SLC25A21: variants seen among roughly 807,000 people sequenced by gnomAD.
SLC25A21 encodes mitochondrial 2-oxodicarboxylate carrier.
SLC25A21 carries 47 observed loss-of-function variants against 43.8 expected under a neutral mutation model. The ratio of observed to expected loss-of-function variants is 1.07; its 90% confidence interval spans 0.85 to 1.37. The LOEUF is 1.37. Among genes scored for constraint, SLC25A21 ranks in the 40% most tolerant of loss-of-function variants. The pLI is 0.00. For synonymous variants in SLC25A21, 131 were observed against 121.3 expected, an observed-to-expected ratio of 1.08 and a Z score of -0.52; for missense variants, 352 against 350.2, an observed-to-expected ratio of 1.00 and a Z score of -0.04.
chr14:37,166,015 T>G (rs1455715970), intron 1 of SLC25A21, among the ~76,000 whole-genome samples: 3 of 152,190 alleles, frequency 2.0e-5, no homozygotes, highest in Non-Finnish European at 4.4e-5. Flanking sequence ...TTGGGATCCC[T>G]AACATGTTTA....
chr14:37,143,535 A>G (rs563343703), intron 1 of SLC25A21, among the ~76,000 whole-genome samples: 1 of 152,312 alleles, frequency 6.6e-6, no homozygotes, highest in East Asian at 1.9e-4. Flanking sequence ...TGTAAACAAT[A>G]AAACAGCTGC....
chr14:36,936,064 A>G (rs1054756066), intron 1 of SLC25A21, among the ~76,000 whole-genome samples: 15 of 152,158 alleles, frequency 9.9e-5, no homozygotes, highest in African/African-American at 3.6e-4. Flanking sequence ...TATCAGTACT[A>G]TCAGCTTTGC....
rs114258853 is a variant in SLC25A21 at position 36,966,266 on chromosome 14, T to C, written c.71-91262A>G. ...AGAAAGTGTCCCCTAAAAAGGTGTGTTGTGGGGAGTTGCCATCAACACAGT... is the reference window on the plus strand; with the variant it reads ...AGAAAGTGTCCCCTAAAAAGGTGTGCTGTGGGGAGTTGCCATCAACACAGT... On this transcript the variant is annotated intron_variant, in intron 1 of 9. Coordinates refer to ENST00000331299, the MANE Select transcript of SLC25A21 (RefSeq NM_030631.4). Among the ~76,000 whole-genome samples the C allele has an allele frequency of 7.4e-4, 113 of 152,246 alleles. 1 individual carries two copies. Among genetic ancestry groups the C allele is most frequent in the African/African-American group, 2.6e-3 (107 of 41,554 alleles).
chr14:36,709,069 G>A (rs1192498229), intron 7 of SLC25A21, among the ~76,000 whole-genome samples: 3 of 150,840 alleles, frequency 2.0e-5, no homozygotes, highest in East Asian at 2.0e-4. Context: ...GTGCAATGGC[G>A]CCAGCTCGGC....
At chr14:36,836,731 T>C (rs930010393) in intron 2 of SLC25A21, among the ~76,000 whole-genome samples, 8 of 152,174 alleles carry the variant, frequency 5.3e-5, no homozygotes, top group Non-Finnish European at 1.5e-5. Flanking sequence ...GCAGTAAATG[T>C]AGCATTCTTC....
intron 1 of SLC25A21, among the ~76,000 whole-genome samples, chr14:37,069,435 G>A (rs1269808759): frequency 6.6e-6 from 1 of 152,074 alleles, no homozygotes; most frequent in Non-Finnish European, 1.5e-5. Context: ...ATGTGTTTAG[G>A]AACATATGCG....
At chr14:36,700,528 G>C (rs1883232272) in intron 7 of SLC25A21, among the ~76,000 whole-genome samples, 1 of 152,186 alleles carries the variant, frequency 6.6e-6, no homozygotes. Context: ...AGGGTCATGT[G>C]TCCACATATT....
intron 1 of SLC25A21, among the ~76,000 whole-genome samples, chr14:37,106,986 T>G (rs960707656): frequency 6.6e-6 from 1 of 152,206 alleles, no homozygotes; most frequent in East Asian, 1.9e-4. Flanking sequence ...TGTGACAGTG[T>G]CACTCAATAG....
intron 3 of SLC25A21, among the ~76,000 whole-genome samples, chr14:36,762,070 C>G (rs566318912): frequency 6.6e-6 from 1 of 152,130 alleles, no homozygotes; most frequent in Non-Finnish European, 1.5e-5. Flanking sequence ...CATATGTGAG[C>G]AGGTACCATG....
chr14:36,925,173 A>G (rs1892097306), intron 1 of SLC25A21, among the ~76,000 whole-genome samples: 1 of 152,236 alleles, frequency 6.6e-6, no homozygotes, highest in Non-Finnish European at 1.5e-5. Flanking sequence ...GGAATAGGTA[A>G]TAAGTAAAGT....
intron 1 of SLC25A21, among the ~76,000 whole-genome samples, chr14:36,903,214 T>G (rs1158301799): frequency 6.6e-6 from 1 of 152,156 alleles, no homozygotes; most frequent in Non-Finnish European, 1.5e-5. Flanking sequence ...CACAATGTCA[T>G]GAACAAGGAA....
At chr14:37,127,988 T>C (rs1197023660) in intron 1 of SLC25A21, among the ~76,000 whole-genome samples, 2 of 152,112 alleles carry the variant, frequency 1.3e-5, no homozygotes, top group Admixed American at 1.3e-4. Flanking sequence ...AACCTAAGAA[T>C]TCAACAAGCA....
In SLC25A21 at chr14:36,678,834, A is replaced by G. The variant is rs1393759115; in HGVS notation, c.*1824T>C. ...CTCTAGGTCTTAACAGTGAATTCACATGGAGTAATTTTTAAAAGATATCAG... is the reference window on the plus strand; with the variant it reads ...CTCTAGGTCTTAACAGTGAATTCACGTGGAGTAATTTTTAAAAGATATCAG... On this transcript the variant is annotated 3_prime_UTR_variant, in exon 10 of 10. Transcript: ENST00000331299. 1 of 986,298 alleles carries G rather than the reference A, an allele frequency of 1.0e-6. No individual in the cohort carries two copies. Among genetic ancestry groups the G allele is most frequent in the Admixed American group, 5.8e-5 (1 of 17,378 alleles). 61.1% of individuals were successfully genotyped at this position (986,298 alleles called of 1,614,324 possible). A position where few individuals can be genotyped will look rare whatever the true frequency, so the allele number is the denominator to read the frequency against.
intron 3 of SLC25A21, among the ~76,000 whole-genome samples, chr14:36,812,628 T>C (rs1474698395): frequency 2.0e-5 from 3 of 152,024 alleles, no homozygotes; most frequent in Non-Finnish European, 4.4e-5. Context: ...AATTGCAACA[T>C]ATAGATAAAA....
chr14:36,977,417 G>A (rs981477483), intron 1 of SLC25A21, among the ~76,000 whole-genome samples: 1 of 152,132 alleles, frequency 6.6e-6, no homozygotes, highest in Non-Finnish European at 1.5e-5. Context: ...TTCAGGAGAG[G>A]TCTGATTGAA....
chr14:37,088,317 T>C (rs1158299614), intron 1 of SLC25A21, among the ~76,000 whole-genome samples: 1 of 152,134 alleles, frequency 6.6e-6, no homozygotes, highest in Non-Finnish European at 1.5e-5. Context: ...TTAAAGAAAG[T>C]AGAGGAACAA....
At chr14:36,691,378 G>T (rs771549558) in intron 7 of SLC25A21, among the ~76,000 whole-genome samples, 1 of 152,146 alleles carries the variant, frequency 6.6e-6, no homozygotes, top group Admixed American at 6.5e-5. Context: ...TATAAATTAT[G>T]TAAATGAATA....
At chr14:36,873,889 C>A (rs1173525332) in intron 2 of SLC25A21, among the ~76,000 whole-genome samples, 1 of 152,152 alleles carries the variant, frequency 6.6e-6, no homozygotes, top group Admixed American at 6.5e-5. Context: ...TCACCAAGAA[C>A]TGAATCAGCC....
intron 1 of SLC25A21, among the ~76,000 whole-genome samples, chr14:36,958,681 A>ACGCG (rs34709820): frequency 4.6e-5 from 2 of 43,374 alleles, no homozygotes; most frequent in Admixed American, 4.7e-4. Flanking sequence ...GCACACGTGC[A>ACGCG]CACACACACA....
Sources: gnomAD v4.1 joint callset for allele counts (sites outside exome capture counted in the v4.1 genomes callset) on GRCh38, gnomAD v4.1.1 for gene constraint, MANE v1.5 for transcripts, NCBI Gene and HGNC (gene_info 2026-07-23, HGNC 2026-07-21) for gene names.